The following MIS18BP1 variants were observed in gnomAD, a reference collection of about 807,000 sequenced individuals.
The protein encoded by MIS18BP1 is mis18-binding protein 1.
In MIS18BP1, 72 loss-of-function variants were observed where a neutral mutation model predicts 116.1. The observed-to-expected ratio is 0.62, with a 90% CI of 0.51 to 0.75. MIS18BP1 has a LOEUF of 0.75. MIS18BP1 is among the 30% of genes least tolerant of loss of function. MIS18BP1 has a pLI of 0.00. For synonymous variants in MIS18BP1, 386 were observed against 427.0 expected, an observed-to-expected ratio of 0.90 and a Z score of 1.18; for missense variants, 1,363 against 1,303.2, an observed-to-expected ratio of 1.05 and a Z score of -0.71.
At chr14:45,231,443 T>C in intron 7 of MIS18BP1, 145 bp from the exon 8 acceptor site, 2 of 646,216 alleles carry the variant, frequency 3.1e-6, no homozygotes, top group Non-Finnish European at 5.0e-6. Flanking sequence ...TATTAATCCT[T>C]CATGGCTTTC....
intron 14 of MIS18BP1, 151 bp from the exon 15 acceptor site, chr14:45,206,321 C>G (rs1890516661): frequency 5.1e-6 from 3 of 590,108 alleles, no homozygotes. Context: ...GGGTCTCACT[C>G]TGTCGCCCAG....
Position 45,246,861 on chromosome 14 carries a change from A to C in MIS18BP1, c.426T>G (p.Ser142Arg), listed in dbSNP as rs747601002. The C allele has an allele frequency of 6.2e-7, 1 of 1,610,522 alleles. No individual in the cohort carries two copies. The highest frequency in any genetic ancestry group is 8.5e-7 in the Non-Finnish European group (1 of 1,179,050). ...RNSSLLEPQK[S>R]GNNETFTPNR... The stretch of plus-strand genomic sequence containing the variant: ...TAGGAGTGAAGGTTTCATTATTTCC[A>C]CTTTTCTGTGGTTCCAACAAACTAC... Residue 142 changes from serine (S) to arginine (R), a missense_variant, in exon 2 of 17, where the codon AGT becomes AGG. Physicochemically the swap from Ser to Arg is moderately radical, Grantham distance 110 (BLOSUM62 -1). Transcript: ENST00000310806.
chr14:45,208,559 T>C (rs991290176), intron 14 of MIS18BP1, among the ~76,000 whole-genome samples: 9 of 151,964 alleles, frequency 5.9e-5, no homozygotes, highest in Non-Finnish European at 8.8e-5. Flanking sequence ...GTCTCGAACT[T>C]CTGACCTTGT....
intron 7 of MIS18BP1, among the ~76,000 whole-genome samples, chr14:45,231,660 C>T (rs73350258): frequency 0.079 from 11,963 of 152,210 alleles, 1,223 homozygotes; most frequent in African/African-American, 0.24. Flanking sequence ...ATATTATCTA[C>T]GGCTGCTCTT....
chr14:45,216,254 A>G (rs941553251), intron 13 of MIS18BP1, among the ~76,000 whole-genome samples: 2 of 152,228 alleles, frequency 1.3e-5, no homozygotes, highest in Admixed American at 6.5e-5. Context: ...ATATATTGCC[A>G]TAATGCTTTC....
chr14:45,241,585 AAC>A (rs1326901524), intron 4 of MIS18BP1: 1 of 153,252 alleles, frequency 6.5e-6, no homozygotes, highest in African/African-American at 2.4e-5. Context: ...GTCCTAATGT[AAC>A]AGTTTAATGC....
chr14:45,229,435 T>C (rs1487057178), intron 8 of MIS18BP1, among the ~76,000 whole-genome samples: 3 of 151,574 alleles, frequency 2.0e-5, no homozygotes, highest in Admixed American at 6.6e-5. Flanking sequence ...ACCAAGGAGG[T>C]TGAGGCTGCA....
intron 15 of MIS18BP1, among the ~76,000 whole-genome samples, chr14:45,205,158 A>G (rs1860304138): frequency 6.6e-6 from 1 of 152,140 alleles, no homozygotes; most frequent in Admixed American, 6.5e-5. Context: ...AATTTTTGAG[A>G]TACAAATTCA....
chr14:45,213,173 G>C (rs886841473), intron 13 of MIS18BP1, among the ~76,000 whole-genome samples: 1 of 152,104 alleles, frequency 6.6e-6, no homozygotes, highest in Non-Finnish European at 1.5e-5. Flanking sequence ...CAAAGTGCTG[G>C]GACTACAGGC....
At chr14:45,227,552 A>AG (rs1360146450) in intron 9 of MIS18BP1, 111 bp downstream of exon 9, 119 of 836,526 alleles carry the variant, frequency 1.4e-4, no homozygotes, top group East Asian at 9.9e-4. Flanking sequence ...CTCAAAAGAA[A>AG]AAAAAAAAAA....
chr14:45,227,384 G>A (rs1304189188), intron 9 of MIS18BP1, among the ~76,000 whole-genome samples: 2 of 151,954 alleles, frequency 1.3e-5, no homozygotes, highest in Non-Finnish European at 2.9e-5. Context: ...GTGCATGCCT[G>A]TAGTCCCAGC....
intron 1 of MIS18BP1, among the ~76,000 whole-genome samples, chr14:45,248,787 C>T (rs1891791537): frequency 6.6e-6 from 1 of 152,204 alleles, no homozygotes; most frequent in South Asian, 2.1e-4. Context: ...TTCCTAAAAA[C>T]CACTATAATT....
At chr14:45,213,593 G>A (rs78884211) in intron 13 of MIS18BP1, among the ~76,000 whole-genome samples, 2,456 of 152,224 alleles carry the variant, frequency 0.016, 35 homozygotes, top group South Asian at 0.051. Context: ...ACTCTGCACC[G>A]TAGCATGAAA....
intron 7 of MIS18BP1, 37 bp downstream of exon 7, chr14:45,232,693 CAAT>C: frequency 9.1e-7 from 1 of 1,096,352 alleles, no homozygotes; most frequent in South Asian, 1.4e-5. Context: ...AATTATATCT[CAAT>C]AAAGTTGACT....
At chr14:45,213,058 A>T (rs1890719162) in intron 13 of MIS18BP1, among the ~76,000 whole-genome samples, 1 of 152,180 alleles carries the variant, frequency 6.6e-6, no homozygotes, top group South Asian at 2.1e-4. Flanking sequence ...TTTTTAAAAA[A>T]TTTTTATAAG....
chr14:45,208,198 ACTTTC>A (rs947041249), intron 14 of MIS18BP1, among the ~76,000 whole-genome samples: 4 of 152,158 alleles, frequency 2.6e-5, no homozygotes, highest in Non-Finnish European at 5.9e-5. Flanking sequence ...TTAATTTATA[ACTTTC>A]CTTATTTTTG....
At chr14:45,221,057 C>T (rs1890957636) in intron 11 of MIS18BP1, among the ~76,000 whole-genome samples, 1 of 152,034 alleles carries the variant, frequency 6.6e-6, no homozygotes, top group Non-Finnish European at 1.5e-5. Context: ...ATTGCTTAAA[C>T]CCAGGAGGCG....
At chr14:45,252,503 T>C (rs1269293130) in intron 1 of MIS18BP1, among the ~76,000 whole-genome samples, 1 of 152,216 alleles carries the variant, frequency 6.6e-6, no homozygotes, top group Non-Finnish European at 1.5e-5. Flanking sequence ...CAGGATGAAG[T>C]GGCCTACCAT....
At chr14:45,219,720 A>C (rs1890921207) in intron 11 of MIS18BP1, among the ~76,000 whole-genome samples, 1 of 152,230 alleles carries the variant, frequency 6.6e-6, no homozygotes. Flanking sequence ...CTTGTTAATG[A>C]ATTCTTTTAC....
Sources: gnomAD v4.1 joint callset for allele counts (sites outside exome capture counted in the v4.1 genomes callset) on GRCh38, gnomAD v4.1.1 for gene constraint, MANE v1.5 for transcripts, NCBI Gene and HGNC (gene_info 2026-07-23, HGNC 2026-07-21) for gene names.